Variants in PRKCZ observed in about 807,000 individuals in gnomAD.
PRKCZ encodes the protein protein kinase C zeta type.
PRKCZ carries 33 observed loss-of-function variants against 79.5 expected under a neutral mutation model. The ratio of observed to expected loss-of-function variants is 0.41; its 90% confidence interval spans 0.31 to 0.55. PRKCZ has a LOEUF of 0.55. PRKCZ is among the 20% of genes least tolerant of loss of function. The pLI is 0.19. For synonymous variants in PRKCZ, 342 were observed against 320.9 expected (o/e 1.07, Z -0.70); for missense variants, 578 against 813.5 (o/e 0.71, Z 3.52).
intron 4 of PRKCZ, among the ~76,000 whole-genome samples, chr1:2,109,529 C>A: frequency 6.6e-6 from 1 of 152,196 alleles, no homozygotes; most frequent in East Asian, 1.9e-4. Flanking sequence ...CTCCCTTGGA[C>A]GGTTGAGCAG....
At chr1:2,064,663 C>T (rs1006913430) in intron 4 of PRKCZ, among the ~76,000 whole-genome samples, 5 of 152,204 alleles carry the variant, frequency 3.3e-5, no homozygotes, top group African/African-American at 1.2e-4. Flanking sequence ...AAAATCGTTT[C>T]ACCATATATG....
intron 4 of PRKCZ, among the ~76,000 whole-genome samples, chr1:2,079,243 CAT>C (rs1408441330): frequency 6.6e-6 from 1 of 152,258 alleles, no homozygotes; most frequent in Admixed American, 6.5e-5. Flanking sequence ...ACCGCGGTAT[CAT>C]GTGGTGATTG....
At chr1:2,130,631 C>A (rs1057177748) in intron 4 of PRKCZ, among the ~76,000 whole-genome samples, 6 of 152,042 alleles carry the variant, frequency 3.9e-5, no homozygotes, top group Non-Finnish European at 7.4e-5. Flanking sequence ...GGAGGAGCCA[C>A]AGCCGCAGCA....
At chr1:2,121,012 C>T (rs1196939366) in intron 4 of PRKCZ, among the ~76,000 whole-genome samples, 3 of 152,064 alleles carry the variant, frequency 2.0e-5, no homozygotes, top group Admixed American at 2.0e-4. Context: ...CGGGGTTTTG[C>T]CATGTTGGCC....
At chr1:2,074,186 T>G (rs1571173284) in intron 4 of PRKCZ, 1 of 1,550,046 alleles carries the variant, frequency 6.5e-7, no homozygotes, top group Non-Finnish European at 8.7e-7. Context: ...GTTTTGCGGG[T>G]GACAGATTTT....
At chr1:2,096,225 G>A (rs556471973) in intron 4 of PRKCZ, among the ~76,000 whole-genome samples, 1 of 151,906 alleles carries the variant, frequency 6.6e-6, no homozygotes, top group Non-Finnish European at 1.5e-5. Flanking sequence ...TCATCCCTCC[G>A]ATCGGGCAGG....
intron 16 of PRKCZ, among the ~76,000 whole-genome samples, chr1:2,181,222 C>T (rs1686548639): frequency 6.6e-6 from 1 of 152,188 alleles, no homozygotes; most frequent in Non-Finnish European, 1.5e-5. Context: ...CTGTGGCCCC[C>T]AGCGCACAAG....
At chr1:2,112,693 T>TGG (rs57878407) in intron 4 of PRKCZ, among the ~76,000 whole-genome samples, 168 of 5,488 alleles carry the variant, frequency 0.031, no homozygotes, top group African/African-American at 0.16. Flanking sequence ...GTTGGTTGGT[T>TGG]TTTTTTTTTT....
rs1679480710 is a variant in PRKCZ at position 2,149,855 on chromosome 1, T to TTC, written c.687+931_687+932insTC. On this transcript the variant is annotated intron_variant, in intron 8 of 17. Coordinates refer to ENST00000378567, the MANE Select transcript of PRKCZ (RefSeq NM_002744.6). This position sits in a 1 kb window ranked among gnomAD's most constrained non-coding sequence, Gnocchi z 4.1. ...CAGCCTGGGCGACAGAGGAAGAGTC[T>TTC]GTCTCAAAAAAAGCAGAATCCGGCT... Among the ~76,000 whole-genome samples, 1 of 129,308 alleles carries TTC rather than the reference T, an allele frequency of 7.7e-6. No homozygotes were observed. The highest frequency in any genetic ancestry group is 3.0e-5 in the African/African-American group (1 of 33,838). The allele number at this position is 129,308 out of a possible 152,430, so 84.8% of individuals were successfully genotyped here.
intron 4 of PRKCZ, among the ~76,000 whole-genome samples, chr1:2,112,735 G>A (rs1375243235): frequency 1.3e-5 from 2 of 151,192 alleles, no homozygotes; most frequent in African/African-American, 4.9e-5. Context: ...TGTCGCCCAG[G>A]CTGGAGTGCA....
intron 4 of PRKCZ, among the ~76,000 whole-genome samples, chr1:2,132,351 A>G (rs1256172732): frequency 3.3e-5 from 5 of 152,226 alleles, no homozygotes; most frequent in Admixed American, 2.0e-4. Context: ...TCCCGAGCCC[A>G]GGAGCGAGCG....
In PRKCZ at chr1:2,082,746, T is replaced by C. The variant is rs563775680; in HGVS notation, c.334+23155T>C. ...CAGGAGACCTGGTTCCATTTGTTTT[T>C]TTGCCTGAGCGTCCGGGGGTGGCTT... On this transcript the variant is annotated intron_variant, in intron 4 of 17. Coordinates refer to ENST00000378567, the MANE Select transcript of PRKCZ (RefSeq NM_002744.6). The surrounding 1 kb of genome is among the most constrained non-coding windows in gnomAD (Gnocchi z 4.4). Among the ~76,000 whole-genome samples, 1 of 152,080 alleles carries C rather than the reference T, an allele frequency of 6.6e-6. No homozygotes were observed. Among genetic ancestry groups the C allele is most frequent in the South Asian group, 2.1e-4 (1 of 4,826 alleles).
chr1:2,129,711 AGGGC>A (rs928810996), intron 4 of PRKCZ, among the ~76,000 whole-genome samples: 3 of 152,074 alleles, frequency 2.0e-5, no homozygotes, highest in African/African-American at 7.2e-5. Flanking sequence ...AAGACAGTTG[AGGGC>A]GGCCCTGCCT....
intron 4 of PRKCZ, among the ~76,000 whole-genome samples, chr1:2,097,973 C>T (rs1361329177): frequency 3.3e-5 from 5 of 152,100 alleles, no homozygotes; most frequent in African/African-American, 4.8e-5. Context: ...AAGCTAATTC[C>T]GATTGGCTAT....
rs1679497876 is a variant in PRKCZ at position 2,149,928 on chromosome 1, G to T, written c.688-862G>T. ...AATCCCAGCACTTTGGGAAGCTGAGGCGGGCAGATCACGAGGTCAGGAGAT... is the reference window on the plus strand; with the variant it reads ...AATCCCAGCACTTTGGGAAGCTGAGTCGGGCAGATCACGAGGTCAGGAGAT... On this transcript the variant is annotated intron_variant, in intron 8 of 17. Coordinates refer to ENST00000378567, the MANE Select transcript of PRKCZ (RefSeq NM_002744.6). This position sits in a 1 kb window ranked among gnomAD's most constrained non-coding sequence, Gnocchi z 4.1. 6.6e-6 allele frequency among the ~76,000 whole-genome samples: 1 copy of T among 151,690 alleles called. No individual in the cohort carries two copies. The highest frequency in any genetic ancestry group is 2.4e-5 in the African/African-American group (1 of 41,258).
chr1:2,063,156 A>T (rs991682512), intron 4 of PRKCZ, among the ~76,000 whole-genome samples: 2 of 151,908 alleles, frequency 1.3e-5, no homozygotes, highest in Non-Finnish European at 2.9e-5. Context: ...TATTTTGTTT[A>T]CCCATTTCTG....
intron 4 of PRKCZ, among the ~76,000 whole-genome samples, chr1:2,114,894 C>A (rs1670444447): frequency 6.6e-6 from 1 of 152,224 alleles, no homozygotes; most frequent in African/African-American, 2.4e-5. Context: ...TCTCTGATTT[C>A]TTTTTCTTTC....
intron 4 of PRKCZ, among the ~76,000 whole-genome samples, chr1:2,113,634 T>C (rs1670180270): frequency 6.6e-6 from 1 of 152,086 alleles, no homozygotes; most frequent in Non-Finnish European, 1.5e-5. Flanking sequence ...CCCAGTTGAG[T>C]TGGCAACATT....
At chr1:2,131,858 C>A (rs986212028) in intron 4 of PRKCZ, among the ~76,000 whole-genome samples, 7 of 152,248 alleles carry the variant, frequency 4.6e-5, no homozygotes, top group Admixed American at 4.6e-4. Context: ...GTCGCCCAGG[C>A]TGGAGTGCAG....
Sources: allele counts gnomAD v4.1 joint callset (sites outside exome capture counted in the v4.1 genomes callset), GRCh38; gene constraint gnomAD v4.1.1; non-coding constraint Gnocchi (gnomAD v3.1); transcripts MANE v1.5; gene names NCBI Gene and HGNC (gene_info 2026-07-23, HGNC 2026-07-21).